The following OR6C6 variants were observed in gnomAD, a reference collection of about 807,000 sequenced individuals.
The protein encoded by OR6C6 is olfactory receptor family 6 subfamily C member 6.
For missense variants in OR6C6, 411 were observed against 366.8 expected (o/e 1.12, Z -0.98); for synonymous variants, 140 against 135.2 (o/e 1.04, Z -0.25).
At position 55,294,385 on chromosome 12, in the gene OR6C6, A is replaced by G. The variant is rs201921903; in HGVS notation, c.848T>C (p.Leu283Pro). The change falls in exon 2 of 2, where the codon CTA (leucine) becomes CCA (proline). Residue 283 changes from leucine to proline, a missense_variant. Coordinates refer to ENST00000358433, the MANE Select transcript of OR6C6 (RefSeq NM_001005493.2). Reference protein sequence around the residue: ...ALLYTSIAPLLNPFIYTLRNQ... With the variant: ...ALLYTSIAPLPNPFIYTLRNQ... Reference sequence around the variant, plus strand: ...TCTGAGAGTATAAATGAAGGGATTTAGTAAAGGGGCAATTGAGGTATAGAG... The same window carrying G: ...TCTGAGAGTATAAATGAAGGGATTTGGTAAAGGGGCAATTGAGGTATAGAG... The G allele has an allele frequency of 6.4e-5, 104 of 1,613,136 alleles. 1 individual carries two copies. In the South Asian group the frequency reaches 1.1e-3, roughly 17 times the overall value.
chr12:55,295,176 T>A lies in OR6C6; in HGVS notation c.57A>T (p.Pro19=). The change falls in exon 2 of 2, where the codon CCA becomes CCT. Residue 19 remains proline, a synonymous_variant. Coordinates refer to ENST00000358433, the MANE Select transcript of OR6C6 (RefSeq NM_001005493.2). Reference sequence around the variant, plus strand: ...ACAGGAAAATCACAATTTGCAACTGTGGGTCATCTGTCAATCCTAGGAGAA... The same window carrying A: ...ACAGGAAAATCACAATTTGCAACTGAGGGTCATCTGTCAATCCTAGGAGAA... ...EFILLGLTDD[P]QLQIVIFLFL... is the part of the protein sequence containing the mutation. The A allele has an allele frequency of 8.7e-6, 14 of 1,613,592 alleles. No homozygotes were observed. The highest frequency in any genetic ancestry group is 1.2e-5 in the Non-Finnish European group (14 of 1,179,646).
At chr12:55,295,324 AAT>A in intron 1 of OR6C6, 67 bp from the exon 2 acceptor site, 2 of 641,930 alleles carry the variant, frequency 3.1e-6, no homozygotes, top group Non-Finnish European at 5.0e-6. Context: ...AAGCAGAAAA[AAT>A]ATATCTTTTT....
Position 55,294,958 on chromosome 12 carries a change from T to C in OR6C6, c.275A>G (p.Tyr92Cys), listed in dbSNP as rs200792871. ...AAATAATTGAGTTGCACAATTATTA[T>C]AAGAAATGGTTTTGTCTCTAGTCAC... ...TIVTRDKTIS[Y>C]NNCATQLFFI... is the part of the protein sequence containing the mutation. Residue 92 changes from tyrosine (Y) to cysteine (C), a missense_variant, in exon 2 of 2, where the codon TAT becomes TGT. Tyr to Cys is a radical substitution (Grantham distance 194). Coordinates refer to ENST00000358433, the MANE Select transcript of OR6C6 (RefSeq NM_001005493.2). 2.5e-6 allele frequency: 4 copies of C among 1,613,884 alleles called. No individual in the cohort carries two copies. The highest frequency in any genetic ancestry group is 2.7e-5 in the African/African-American group (2 of 75,044).
chr12:55,295,383 G>C (rs1042633833), intron 1 of OR6C6, 126 bp from the exon 2 acceptor site: 3 of 501,572 alleles, frequency 6.0e-6, no homozygotes, highest in Non-Finnish European at 1.0e-5. Context: ...AATTGTAGAT[G>C]ACACATAATT....
chr12:55,295,178 G>T lies in OR6C6; in HGVS notation c.55C>A (p.Pro19Thr). The T allele has an allele frequency of 6.2e-7, 1 of 1,613,172 alleles. No individual in the cohort carries two copies. The highest frequency in any genetic ancestry group is 2.2e-5 in the East Asian group (1 of 44,848). Residue 19 changes from proline (P) to threonine (T), a missense_variant, in exon 2 of 2, where the codon CCA (proline) becomes ACA (threonine). Pro to Thr is a conservative substitution (Grantham distance 38, BLOSUM62 -1). Coordinates refer to ENST00000358433, the MANE Select transcript of OR6C6 (RefSeq NM_001005493.2). ...EFILLGLTDD[P>T]QLQIVIFLFL... ...AGGAAAATCACAATTTGCAACTGTG[G>T]GTCATCTGTCAATCCTAGGAGAATG...
In OR6C6 at chr12:55,294,605, C is replaced by T. The variant is rs780738896; in HGVS notation, c.628G>A (p.Val210Ile). 6.2e-7 allele frequency: 1 copy of T among 1,614,008 alleles called. No individual in the cohort carries two copies. Among genetic ancestry groups the T allele is most frequent in the South Asian group, 1.1e-5 (1 of 91,074 alleles). ...LAVVTLVVTL[V>I]LVILSYTCII... is the part of the protein sequence containing the mutation. ...CAAGTGTAAGAGAGAATCACTAATA[C>T]CAGTGTGACCACAAGTGTCACCACA... The change falls in exon 2 of 2, where the codon GTA becomes ATA. Residue 210 changes from valine to isoleucine, a missense_variant. Coordinates refer to ENST00000358433, the MANE Select transcript of OR6C6 (RefSeq NM_001005493.2).
chr12:55,295,656 T>A (rs1425930592), intron 1 of OR6C6, among the ~76,000 whole-genome samples: 3 of 152,068 alleles, frequency 2.0e-5, no homozygotes, highest in African/African-American at 7.2e-5. Context: ...ATGAGGATGA[T>A]GTTTCAAAAC....
rs935931707 is a variant in OR6C6, at chr12:55,294,102, G to A, written c.*186C>T. 3.4e-5 allele frequency: 16 copies of A among 468,158 alleles called. 1 individual carries two copies. The highest frequency in any genetic ancestry group is 5.0e-5 in the Non-Finnish European group (13 of 258,884). 29.0% of individuals were successfully genotyped at this position (468,158 alleles called of 1,614,324 possible). On this transcript the variant is annotated 3_prime_UTR_variant, in exon 2 of 2. Coordinates refer to ENST00000358433, the MANE Select transcript of OR6C6 (RefSeq NM_001005493.2). ...TGGGATTACAGGCACTCTCCACCAC[G>A]CCCAGCTAATTTTTGTACTTTTAAG...
At position 55,296,487 on chromosome 12, in the gene OR6C6, T is replaced by C. The variant is rs1422776723; in HGVS notation, c.-194A>G. 7 of 151,992 alleles carry C rather than the reference T, an allele frequency of 4.6e-5. No homozygotes were observed. The East Asian group carries it at 1.2e-3, about 25-fold the overall frequency. The allele number at this position is 151,992 out of a possible 1,614,324, so 9.4% of individuals were successfully genotyped here. A position where few individuals can be genotyped will look rare whatever the true frequency, so the allele number is the denominator to read the frequency against. Reference sequence around the variant, plus strand: ...GCAATGTGTACGTATTGTGTTTCTGTAGAGAATTTCCACATTTCCTCAACT... The same window carrying C: ...GCAATGTGTACGTATTGTGTTTCTGCAGAGAATTTCCACATTTCCTCAACT... On this transcript the variant is annotated 5_prime_UTR_variant, in exon 1 of 2. Coordinates refer to ENST00000358433, the MANE Select transcript of OR6C6 (RefSeq NM_001005493.2).
In OR6C6 at chr12:55,295,133, T is replaced by A; in HGVS notation, c.100A>T (p.Thr34Ser). Residue 34 changes from threonine (T) to serine (S), a missense_variant, in exon 2 of 2, where the codon ACC (threonine) becomes TCC (serine). Transcript: ENST00000358433. Reference sequence around the variant, plus strand: ...ATTAAGTTCCCCATCAGGCTCAAGGTGTAGTTGAGAAATAGAAACAGGAAA... The same window carrying A: ...ATTAAGTTCCCCATCAGGCTCAAGGAGTAGTTGAGAAATAGAAACAGGAAA... ...VIFLFLFLNY[T>S]LSLMGNLIII... 1 of 1,613,560 alleles carries A rather than the reference T, an allele frequency of 6.2e-7. No homozygotes were observed. Among genetic ancestry groups the A allele is most frequent in the Non-Finnish European group, 8.5e-7 (1 of 1,179,720 alleles).
In OR6C6 at chr12:55,295,165, A is replaced by G; in HGVS notation, c.68T>C (p.Ile23Thr). The part of the protein sequence containing the change: ...LGLTDDPQLQ[I>T]VIFLFLFLNY... ...GAGAAATAGAAACAGGAAAATCACA[A>G]TTTGCAACTGTGGGTCATCTGTCAA... The change falls in exon 2 of 2, where the codon ATT (isoleucine) becomes ACT (threonine). Residue 23 changes from isoleucine to threonine, a missense_variant. Physicochemically the swap from Ile to Thr is moderately conservative, Grantham distance 89 (BLOSUM62 -1). Coordinates refer to ENST00000358433, the MANE Select transcript of OR6C6 (RefSeq NM_001005493.2). 6.2e-7 allele frequency: 1 copy of G among 1,613,556 alleles called. No individual in the cohort carries two copies. The highest frequency in any genetic ancestry group is 2.2e-5 in the East Asian group (1 of 44,836).
intron 1 of OR6C6, among the ~76,000 whole-genome samples, 153 bp from the exon 2 acceptor site, chr12:55,295,410 T>C (rs12579030): frequency 0.3 from 46,193 of 151,908 alleles, 7,593 homozygotes; most frequent in East Asian, 0.48. Flanking sequence ...CATAGGTGAA[T>C]TCAAAATTTG....
chr12:55,295,155 G>GA lies in OR6C6; in HGVS notation c.77dup (p.Leu27ProfsTer37), dbSNP rs545296708. Reference sequence around the variant, plus strand: ...AGGTGTAGTTGAGAAATAGAAACAGGAAAATCACAATTTGCAACTGTGGGT... The same window carrying GA: ...AGGTGTAGTTGAGAAATAGAAACAGGAAAAATCACAATTTGCAACTGTGGGT... On this transcript the variant is annotated frameshift_variant, in exon 2 of 2. Transcript: ENST00000358433. LOFTEE classifies it low-confidence loss of function (END_TRUNC). 391 of 1,613,690 alleles carry GA rather than the reference G, an allele frequency of 2.4e-4. 2 individuals are homozygous for GA. The highest frequency in any genetic ancestry group is 1.5e-3 in the Middle Eastern group (9 of 6,058).
intron 1 of OR6C6, among the ~76,000 whole-genome samples, chr12:55,295,568 A>G (rs534287274): frequency 2.6e-5 from 4 of 152,078 alleles, no homozygotes; most frequent in Admixed American, 2.6e-4. Context: ...AATCATATTA[A>G]TATTTTAAAT....
Position 55,294,363 on chromosome 12 carries a change from G to T in OR6C6, c.870C>A (p.Leu290=), listed in dbSNP as rs1214575396. The change falls in exon 2 of 2, where the codon CTC becomes CTA. Residue 290 remains leucine (L), a synonymous_variant. Coordinates refer to ENST00000358433, the MANE Select transcript of OR6C6 (RefSeq NM_001005493.2). The part of the protein sequence containing the change: ...APLLNPFIYT[L]RNQQVKEVFW... Reference sequence around the variant, plus strand: ...AGACTTCTTTCACCTGCTGGTTTCTGAGAGTATAAATGAAGGGATTTAGTA... The same window carrying T: ...AGACTTCTTTCACCTGCTGGTTTCTTAGAGTATAAATGAAGGGATTTAGTA... 1.2e-6 allele frequency: 2 copies of T among 1,613,492 alleles called. No homozygotes were observed. The highest frequency in any genetic ancestry group is 1.1e-5 in the South Asian group (1 of 91,074).
chr12:55,294,114 T>G lies in OR6C6; in HGVS notation c.*174A>C. ...CACTCTCCACCACGCCCAGCTAATTTTTGTACTTTTAAGTAGAGACGGGGT... is the reference window on the plus strand; with the variant it reads ...CACTCTCCACCACGCCCAGCTAATTGTTGTACTTTTAAGTAGAGACGGGGT... On this transcript the variant is annotated 3_prime_UTR_variant, in exon 2 of 2. Transcript: ENST00000358433. 2.0e-6 allele frequency: 1 copy of G among 491,976 alleles called. No homozygotes were observed. Among genetic ancestry groups the G allele is most frequent in the Non-Finnish European group, 3.7e-6 (1 of 272,950 alleles). 30.5% of individuals were successfully genotyped at this position (491,976 alleles called of 1,614,324 possible). A position where few individuals can be genotyped will look rare whatever the true frequency, so the allele number is the denominator to read the frequency against.
At chr12:55,295,363 T>C (rs574930098) in intron 1 of OR6C6, 106 bp from the exon 2 acceptor site, 8 of 538,944 alleles carry the variant, frequency 1.5e-5, no homozygotes, top group Admixed American at 3.6e-5. Context: ...AAATGGTTTC[T>C]CCAGCCTGAA....
At chr12:55,295,346 C>A (rs1868250873) in intron 1 of OR6C6, 89 bp from the exon 2 acceptor site, 1 of 582,334 alleles carries the variant, frequency 1.7e-6, no homozygotes, top group Non-Finnish European at 2.8e-6. Flanking sequence ...TAAATTTATC[C>A]ATGTGCAAAT....
In OR6C6 at chr12:55,294,747, G is replaced by C. The variant is rs754707350; in HGVS notation, c.486C>G (p.Leu162=). The change falls in exon 2 of 2, where the codon CTC becomes CTG. Residue 162 remains leucine, a synonymous_variant. Coordinates refer to ENST00000358433, the MANE Select transcript of OR6C6 (RefSeq NM_001005493.2). ...TTTTGGAAGCACAAAAATCCAGCTT[G>C]AGTCCCATGACCAATGGGGGAAATA... ...LIIFPPLVMG[L]KLDFCASKTI... 8.1e-6 allele frequency: 13 copies of C among 1,613,948 alleles called. No individual in the cohort carries two copies. Among genetic ancestry groups the C allele is most frequent in the Non-Finnish European group, 1.0e-5 (12 of 1,180,006 alleles).
Sources: gnomAD v4.1 joint callset for allele counts (sites outside exome capture counted in the v4.1 genomes callset) on GRCh38, gnomAD v4.1.1 for gene constraint, MANE v1.5 for transcripts, NCBI Gene and HGNC (gene_info 2026-07-23, HGNC 2026-07-21) for gene names.